DCHS2: variants seen among roughly 807,000 people sequenced by gnomAD.
DCHS2 encodes protocadherin-23.
A neutral mutation model predicts 182.4 loss-of-function variants in DCHS2; 142 were observed. That is an observed-to-expected ratio of 0.78 (90% CI 0.68 to 0.89). The LOEUF is 0.89. DCHS2 is among the 40% of genes least tolerant of loss of function. The pLI is 0.00. For missense variants in DCHS2, 4,319 were observed against 4,198.6 expected (o/e 1.03, Z -0.79); for synonymous variants, 1,740 against 1,663.3 (o/e 1.05, Z -1.12).
At position 154,249,487 on chromosome 4, in the gene DCHS2, C is replaced by T. The variant is rs116723884; in HGVS notation, c.6941+6032G>A. 6.5e-3 allele frequency among the ~76,000 whole-genome samples: 996 copies of T among 152,234 alleles called. 10 individuals carry two copies. The highest frequency in any genetic ancestry group is 0.023 in the African/African-American group (963 of 41,546). On this transcript the variant is annotated intron_variant, in intron 16 of 19. Transcript: ENST00000357232. ...ACATTGTTGGGAATGTAAAATAGTT[C>T]GGCCACTGTGGAAAGCAGTTTGGAG...
chr4:154,273,449 C>T (rs552772296), intron 13 of DCHS2, among the ~76,000 whole-genome samples: 3 of 152,060 alleles, frequency 2.0e-5, no homozygotes, highest in South Asian at 4.1e-4. Flanking sequence ...ACTTTGGGGA[C>T]TTGGGGGAAA....
intron 3 of DCHS2, among the ~76,000 whole-genome samples, chr4:154,336,051 CA>C (rs1205924768): frequency 6.6e-6 from 1 of 152,200 alleles, no homozygotes; most frequent in Non-Finnish European, 1.5e-5. Flanking sequence ...AGGTATTTGA[CA>C]TTTGCCCTGA....
intron 1 of DCHS2, among the ~76,000 whole-genome samples, chr4:154,394,255 C>T (rs1304362946): frequency 1.3e-5 from 2 of 152,116 alleles, no homozygotes; most frequent in Non-Finnish European, 2.9e-5. Context: ...TCTTGAAATG[C>T]AATGCACTTA....
rs993730423 is a variant in DCHS2 at position 154,335,289 on chromosome 4, C to T, written c.2477-185G>A. ...TGTCTGTGAGGGTGCTTTTGGATGA[C>T]ATTAACATTTAAATCTGTAGACTGA... On this transcript the variant is annotated intron_variant, in intron 3 of 19. Transcript: ENST00000357232. 97 of 583,212 alleles carry T rather than the reference C, an allele frequency of 1.7e-4. No homozygotes were observed. The Admixed American group carries it at 2.7e-3, about 16-fold the overall frequency. The allele number at this position is 583,212 out of a possible 1,614,324, so 36.1% of individuals were successfully genotyped here.
At chr4:154,362,650 T>A (rs1471248468) in intron 3 of DCHS2, among the ~76,000 whole-genome samples, 3 of 152,100 alleles carry the variant, frequency 2.0e-5, no homozygotes, top group Non-Finnish European at 4.4e-5. Context: ...TAGTTTTCAA[T>A]AACAGTTACA....
Position 154,240,561 on chromosome 4 carries a change from T to G in DCHS2, c.7335A>C (p.Pro2445=). The change falls in exon 18 of 20, where the codon CCA becomes CCC. Residue 2445 remains proline (P), a synonymous_variant. Transcript: ENST00000357232. ...CCTGATAGAAATCTTGAGAAAACACTGGTGGATTATCATTGACATCCAGCA... is the reference window on the plus strand; with the variant it reads ...CCTGATAGAAATCTTGAGAAAACACGGGTGGATTATCATTGACATCCAGCA... The part of the protein sequence containing the change: ...VRVLDVNDNP[P]VFSQDFYQVT... 6.2e-7 allele frequency: 1 copy of G among 1,613,702 alleles called. No homozygotes were observed. The highest frequency in any genetic ancestry group is 1.1e-5 in the South Asian group (1 of 91,078).
Position 154,235,560 on chromosome 4 carries a change from T to G in DCHS2, c.9092A>C (p.Lys3031Thr). 6.2e-7 allele frequency: 1 copy of G among 1,614,102 alleles called. No individual in the cohort carries two copies. Among genetic ancestry groups the G allele is most frequent in the East Asian group, 2.2e-5 (1 of 44,864 alleles). The part of the protein sequence containing the change: ...QKDTINNYEE[K>T]KTSSLDADLR... ...GTCCGCATCTAAAGATGAGGTTTTC[T>G]TCTCCTCATAATTGTTTATTGTGTC... Residue 3031 changes from lysine to threonine, a missense_variant, in exon 20 of 20, where the codon AAG (lysine) becomes ACG (threonine). Lys to Thr is a moderately conservative substitution (Grantham distance 78, BLOSUM62 -1). Coordinates refer to ENST00000357232, the MANE Select transcript of DCHS2 (RefSeq NM_001358235.2).
Position 154,334,940 on chromosome 4 carries a change from A to G in DCHS2, c.2641T>C (p.Tyr881His). The change falls in exon 4 of 20, where the codon TAC becomes CAC. Residue 881 changes from tyrosine to histidine, a missense_variant. By Grantham distance (83) the Tyr-to-His change is moderately conservative (BLOSUM62 2). Coordinates refer to ENST00000357232, the MANE Select transcript of DCHS2 (RefSeq NM_001358235.2). ...ACATCTTCATAAACTAAGAAAGTGTACTTAGGCCTTTCAAACTCAGCAGGT... is the reference window on the plus strand; with the variant it reads ...ACATCTTCATAAACTAAGAAAGTGTGCTTAGGCCTTTCAAACTCAGCAGGT... Reference protein sequence around the residue: ...LAPAEFERPKYTFLVYEDVPE... With the variant: ...LAPAEFERPKHTFLVYEDVPE... 1 of 1,614,204 alleles carries G rather than the reference A, an allele frequency of 6.2e-7. No homozygotes were observed. The highest frequency in any genetic ancestry group is 8.5e-7 in the Non-Finnish European group (1 of 1,180,026).
At chr4:154,348,352 A>G (rs928948846) in intron 3 of DCHS2, among the ~76,000 whole-genome samples, 1 of 152,018 alleles carries the variant, frequency 6.6e-6, no homozygotes. Flanking sequence ...TGGTCCTCAC[A>G]GTTGCGGGAG....
At chr4:154,485,296 A>G (rs927540457) in intron 1 of DCHS2, among the ~76,000 whole-genome samples, 6 of 152,222 alleles carry the variant, frequency 3.9e-5, no homozygotes, top group Non-Finnish European at 8.8e-5. Context: ...AAAAAGATGC[A>G]TGCAAGAAAG....
At chr4:154,278,363 A>G (rs1250171465) in intron 13 of DCHS2, among the ~76,000 whole-genome samples, 1 of 152,042 alleles carries the variant, frequency 6.6e-6, no homozygotes, top group Non-Finnish European at 1.5e-5. Context: ...AAGCCTAAGG[A>G]ACTCATGGGA....
intron 2 of DCHS2, among the ~76,000 whole-genome samples, chr4:154,373,705 C>T (rs1730749203): frequency 6.6e-6 from 1 of 152,104 alleles, no homozygotes; most frequent in African/African-American, 2.4e-5. Context: ...GCCCTGCTTC[C>T]AAGAGGGTTC....
At chr4:154,306,268 T>C (rs1292112657) in intron 10 of DCHS2, among the ~76,000 whole-genome samples, 1 of 152,040 alleles carries the variant, frequency 6.6e-6, no homozygotes, top group Non-Finnish European at 1.5e-5. Context: ...GGAATGACCC[T>C]GAGAAAAAAA....
At chr4:154,289,892 T>TGTTG (rs1734571456) in intron 13 of DCHS2, among the ~76,000 whole-genome samples, 1 of 152,042 alleles carries the variant, frequency 6.6e-6, no homozygotes, top group African/African-American at 2.4e-5. Context: ...CCCTTCATGA[T>TGTTG]AAACACCTTC....
At chr4:154,354,865 A>G (rs1317022336) in intron 3 of DCHS2, 1 of 151,994 alleles carries the variant, frequency 6.6e-6, no homozygotes. Flanking sequence ...AGCACAACTC[A>G]TGGCAGGCAA....
intron 16 of DCHS2, among the ~76,000 whole-genome samples, chr4:154,248,486 T>C (rs969185754): frequency 6.6e-6 from 1 of 152,198 alleles, no homozygotes; most frequent in Non-Finnish European, 1.5e-5. Context: ...GACTTTCATC[T>C]ACACTCTATA....
chr4:154,437,670 C>T (rs990094900), intron 1 of DCHS2, among the ~76,000 whole-genome samples: 1 of 152,068 alleles, frequency 6.6e-6, no homozygotes, highest in Non-Finnish European at 1.5e-5. Flanking sequence ...GTAACATATT[C>T]GTTGAATCTG....
At chr4:154,302,161 A>G (rs984455720) in intron 12 of DCHS2, among the ~76,000 whole-genome samples, 1 of 152,252 alleles carries the variant, frequency 6.6e-6, no homozygotes, top group Non-Finnish European at 1.5e-5. Flanking sequence ...ATATTGATTG[A>G]AGAAGTAAAA....
In DCHS2 at chr4:154,490,388, C is replaced by T. The variant is rs758489313; in HGVS notation, c.968G>A (p.Arg323His). ...AEVCRVRATDRDLGPNGFVRY... is the reference protein window; with the variant it reads ...AEVCRVRATDHDLGPNGFVRY... Reference sequence around the variant, plus strand: ...CACGAAGCCATTGGGCCCCAGGTCGCGGTCGGTGGCGCGCACGCGACAGAC... The same window carrying T: ...CACGAAGCCATTGGGCCCCAGGTCGTGGTCGGTGGCGCGCACGCGACAGAC... Residue 323 changes from arginine (R) to histidine (H), a missense_variant, in exon 1 of 20, where the codon CGC (arginine) becomes CAC (histidine). Transcript: ENST00000357232. 53 of 1,533,490 alleles carry T rather than the reference C, an allele frequency of 3.5e-5. 1 individual carries two copies. In the Middle Eastern group the frequency reaches 1.9e-3, roughly 55 times the overall value. The allele number at this position is 1,533,490 out of a possible 1,614,324, so 95.0% of individuals were successfully genotyped here.
Sources: allele counts gnomAD v4.1 joint callset (sites outside exome capture counted in the v4.1 genomes callset), GRCh38; gene constraint gnomAD v4.1.1; transcripts MANE v1.5; gene names NCBI Gene and HGNC (gene_info 2026-07-23, HGNC 2026-07-21).